RFTN2: variants seen among roughly 807,000 people sequenced by gnomAD.
The protein encoded by RFTN2 is raftlin family member 2.
In RFTN2, 34 loss-of-function variants were observed where a neutral mutation model predicts 52.7. The observed-to-expected ratio is 0.64, with a 90% CI of 0.49 to 0.86. The LOEUF (loss-of-function observed/expected upper bound fraction) is 0.86. Ranked by LOEUF, RFTN2 falls within the 40% of genes least tolerant of loss-of-function variation. The probability of loss-of-function intolerance (pLI) is 0.00; values close to 1 mark genes in which losing one functional copy is unlikely to be tolerated. For missense variants in RFTN2, 536 were observed against 600.1 expected (o/e 0.89, Z 1.12); for synonymous variants, 203 against 217.7 (o/e 0.93, Z 0.59).
intron 8 of RFTN2, 149 bp downstream of exon 8, chr2:197,595,842 C>A: frequency 1.9e-6 from 1 of 530,794 alleles, no homozygotes; most frequent in Non-Finnish European, 3.3e-6. Context: ...TTTCATGTTG[C>A]CTGATTGCTA....
At chr2:197,584,219 T>C (rs1475750797) in intron 8 of RFTN2, among the ~76,000 whole-genome samples, 7 of 152,182 alleles carry the variant, frequency 4.6e-5, no homozygotes, top group Non-Finnish European at 7.3e-5. Flanking sequence ...TCCACAATGG[T>C]TGAACCAGTT....
intron 8 of RFTN2, among the ~76,000 whole-genome samples, chr2:197,574,130 C>T (rs958799326): frequency 9.2e-5 from 14 of 152,220 alleles, no homozygotes; most frequent in Admixed American, 6.5e-5. Context: ...AGAGGGCCAC[C>T]GTCTTGCAGA....
chr2:197,646,414 A>AT, intron 2 of RFTN2, 69 bp downstream of exon 2: 1 of 1,326,280 alleles, frequency 7.5e-7, no homozygotes, highest in Non-Finnish European at 1.0e-6. Flanking sequence ...ACTTGATTCA[A>AT]ATTTTTTTTT....
chr2:197,628,309 C>T (rs1456141691), intron 5 of RFTN2, among the ~76,000 whole-genome samples: 2 of 152,114 alleles, frequency 1.3e-5, no homozygotes, highest in Non-Finnish European at 1.5e-5. Context: ...TGAGACATTC[C>T]AGAGCTGCTG....
chr2:197,643,955 C>T (rs1157867143), intron 3 of RFTN2, among the ~76,000 whole-genome samples: 1 of 152,086 alleles, frequency 6.6e-6, no homozygotes, highest in African/African-American at 2.4e-5. Flanking sequence ...AAATTTAGTT[C>T]TGGTTGTCCA....
chr2:197,619,755 AT>A lies in RFTN2; in HGVS notation c.929-1835del, dbSNP rs201040094. Among the ~76,000 whole-genome samples the A allele has an allele frequency of 5.4e-3, 801 of 147,806 alleles. 9 individuals carry two copies. The highest frequency in any genetic ancestry group is 0.017 in the African/African-American group (694 of 40,130). On this transcript the variant is annotated intron_variant, in intron 5 of 8. Coordinates refer to ENST00000295049, the MANE Select transcript of RFTN2 (RefSeq NM_144629.3). The stretch of plus-strand genomic sequence containing the variant: ...AATGATCAATTAAAAAAAAAAAATA[AT>A]AATAACAATAATAAAATAAAATAAA...
chr2:197,572,776 AT>A (rs1231966604), intron 8 of RFTN2, among the ~76,000 whole-genome samples: 2 of 151,930 alleles, frequency 1.3e-5, no homozygotes, highest in African/African-American at 4.8e-5. Flanking sequence ...CTCATCTTGA[AT>A]TGTAACTCCC....
At chr2:197,653,910 C>T (rs1324878249) in intron 1 of RFTN2, among the ~76,000 whole-genome samples, 1 of 152,090 alleles carries the variant, frequency 6.6e-6, no homozygotes, top group Admixed American at 6.6e-5. Flanking sequence ...AAATTTTCTT[C>T]TAATTTTAAT....
chr2:197,619,352 G>GT (rs1213084352), intron 5 of RFTN2, among the ~76,000 whole-genome samples: 3 of 152,170 alleles, frequency 2.0e-5, no homozygotes, highest in Non-Finnish European at 4.4e-5. Context: ...CCGTGTCTGT[G>GT]TAGAAAGAGG....
chr2:197,629,700 A>ACATT (rs1553602918), intron 5 of RFTN2, among the ~76,000 whole-genome samples: 7 of 109,314 alleles, frequency 6.4e-5, no homozygotes, highest in South Asian at 3.8e-4. Context: ...ACACACACAC[A>ACATT]TATTTATTTT....
At chr2:197,640,915 G>A (rs1312005529) in intron 3 of RFTN2, among the ~76,000 whole-genome samples, 1 of 152,190 alleles carries the variant, frequency 6.6e-6, no homozygotes, top group Non-Finnish European at 1.5e-5. Context: ...TCAACTGGCA[G>A]CTCCTTTGAA....
At chr2:197,662,597 G>A (rs143274991) in intron 1 of RFTN2, among the ~76,000 whole-genome samples, 22 of 151,756 alleles carry the variant, frequency 1.4e-4, no homozygotes, top group African/African-American at 4.6e-4. Flanking sequence ...CTCTTTTGTG[G>A]TTCCATAAAA....
At chr2:197,600,183 G>A (rs2087859291) in intron 7 of RFTN2, among the ~76,000 whole-genome samples, 1 of 152,118 alleles carries the variant, frequency 6.6e-6, no homozygotes, top group Non-Finnish European at 1.5e-5. Flanking sequence ...AAAACTGTTC[G>A]GTTGAAACTG....
intron 5 of RFTN2, among the ~76,000 whole-genome samples, chr2:197,623,617 C>T (rs1200148777): frequency 4.0e-5 from 6 of 151,588 alleles, no homozygotes; most frequent in Non-Finnish European, 7.4e-5. Context: ...TAGCTGGGAC[C>T]GCAGGCGTGC....
chr2:197,590,363 T>G (rs2087683702), intron 8 of RFTN2, among the ~76,000 whole-genome samples: 2 of 152,194 alleles, frequency 1.3e-5, no homozygotes. Flanking sequence ...TTTTTCATGT[T>G]TAAAAACAGT....
chr2:197,579,421 C>T (rs2087469575), intron 8 of RFTN2, among the ~76,000 whole-genome samples: 2 of 152,224 alleles, frequency 1.3e-5, no homozygotes, highest in African/African-American at 2.4e-5. Flanking sequence ...CTTCAACTCA[C>T]ACCTGACCTA....
chr2:197,630,285 A>T (rs1445435692), intron 5 of RFTN2, among the ~76,000 whole-genome samples: 1 of 152,160 alleles, frequency 6.6e-6, no homozygotes, highest in East Asian at 1.9e-4. Flanking sequence ...CTCTAACCTC[A>T]TAGATTTAAG....
At chr2:197,594,551 C>G (rs2087766687) in intron 8 of RFTN2, among the ~76,000 whole-genome samples, 1 of 152,146 alleles carries the variant, frequency 6.6e-6, no homozygotes, top group African/African-American at 2.4e-5. Flanking sequence ...AGGCTGGTCT[C>G]AAACTCCTGG....
At chr2:197,598,390 C>T (rs893126596) in intron 7 of RFTN2, among the ~76,000 whole-genome samples, 2 of 152,074 alleles carry the variant, frequency 1.3e-5, no homozygotes, top group South Asian at 2.1e-4. Flanking sequence ...GCAGAAGAGA[C>T]CTTCTGGGTA....
Sources: gnomAD v4.1 joint callset for allele counts (sites outside exome capture counted in the v4.1 genomes callset) on GRCh38, gnomAD v4.1.1 for gene constraint, MANE v1.5 for transcripts, NCBI Gene and HGNC (gene_info 2026-07-23, HGNC 2026-07-21) for gene names.